Variants in PDK1 observed in about 807,000 individuals in gnomAD.
PDK1 encodes pyruvate dehydrogenase kinase 1.
Under a neutral mutation model 54.2 loss-of-function variants are expected in PDK1, and 39 were observed. The ratio of observed to expected loss-of-function variants is 0.72; its 90% CI spans 0.56 to 0.94. The LOEUF is 0.94. Ranked by LOEUF, PDK1 falls within the 40% of genes least tolerant of loss-of-function variation. The probability of loss-of-function intolerance (pLI) is 0.00; values close to 1 mark genes in which losing one functional copy is unlikely to be tolerated. For synonymous variants in PDK1, 221 were observed against 207.1 expected, an observed-to-expected ratio of 1.07 and a Z score of -0.58; for missense variants, 552 against 566.0, an observed-to-expected ratio of 0.98 and a Z score of 0.25.
chr2:172,672,307 T>A, the PDK1 span, among the ~76,000 whole-genome samples: 59 of 152,204 alleles, frequency 3.9e-4, no homozygotes, highest in Non-Finnish European at 1.8e-4. Flanking sequence ...ATGTGTTCAG[T>A]GATTGTATTT....
chr2:172,720,116 CTTTTT>C, the PDK1 span, among the ~76,000 whole-genome samples: 30 of 116,728 alleles, frequency 2.6e-4, no homozygotes, highest in African/African-American at 8.4e-4. Context: ...CTCTCTCTCT[CTTTTT>C]TTTTTTTTTT....
the PDK1 span, among the ~76,000 whole-genome samples, chr2:172,630,098 C>T: frequency 1.3e-5 from 2 of 152,224 alleles, no homozygotes; most frequent in African/African-American, 4.8e-5. Context: ...GAGGGTTGCT[C>T]TTCCCCACAT....
chr2:172,601,885 AATC>A lies in PDK1; in HGVS notation c.*5919_*5921del, dbSNP rs1212381733. On this transcript the variant is annotated 3_prime_UTR_variant, in exon 11 of 11. Transcript: ENST00000282077. ...ATAACTACCAATAGAGATTTAAAAT[AATC>A]ATAAGAATACCATTAACTTTATGAT... The A allele has an allele frequency of 2.0e-5, 3 of 152,206 alleles. No homozygotes were observed. The highest frequency in any genetic ancestry group is 2.0e-4 in the Admixed American group (3 of 15,278). 9.4% of individuals were successfully genotyped at this position (152,206 alleles called of 1,614,324 possible). A position where few individuals can be genotyped will look rare whatever the true frequency, so the allele number is the denominator to read the frequency against.
the PDK1 span, among the ~76,000 whole-genome samples, chr2:172,642,125 G>A: frequency 1.4e-3 from 210 of 152,246 alleles, 1 homozygote; most frequent in African/African-American, 4.7e-3. Flanking sequence ...ATACCCCATC[G>A]GCACTGCTGT....
At chr2:172,556,428 C>T (rs1688327379) in intron 1 of PDK1, 82 bp downstream of exon 1, 1 of 1,072,104 alleles carries the variant, frequency 9.3e-7, no homozygotes, top group Admixed American at 3.8e-5. Context: ...CGGGTCGGCG[C>T]CGGCCAGCTC....
chr2:172,709,285 C>G, the PDK1 span, among the ~76,000 whole-genome samples: 505 of 152,260 alleles, frequency 3.3e-3, 3 homozygotes, highest in African/African-American at 0.011. Flanking sequence ...CTCTCAGTTC[C>G]TCAGCCCCTC....
intron 9 of PDK1, among the ~76,000 whole-genome samples, chr2:172,591,192 A>G (rs1690555662): frequency 6.6e-6 from 1 of 152,232 alleles, no homozygotes; most frequent in Non-Finnish European, 1.5e-5. Context: ...GGAGGTTAAA[A>G]ATACAGGGTC....
chr2:172,635,196 T>C, the PDK1 span, among the ~76,000 whole-genome samples: 23 of 152,286 alleles, frequency 1.5e-4, no homozygotes, highest in Admixed American at 1.0e-3. Context: ...TGCATATTTA[T>C]TTCACAGTAA....
At chr2:172,611,052 T>C (rs534957063), downstream of PDK1, among the ~76,000 whole-genome samples, 11 of 152,356 alleles carry the variant, frequency 7.2e-5, no homozygotes, top group Admixed American at 6.5e-4. Context: ...TTAAGTGAAA[T>C]ATTTGTGTGG....
chr2:172,639,066 A>C, the PDK1 span, among the ~76,000 whole-genome samples: 1 of 152,238 alleles, frequency 6.6e-6, no homozygotes, highest in African/African-American at 2.4e-5. Context: ...AGGTCTCACT[A>C]TGCCGTGCAG....
At chr2:172,615,632 AAAC>A in the PDK1 span, among the ~76,000 whole-genome samples, 1 of 152,178 alleles carries the variant, frequency 6.6e-6, no homozygotes, top group Non-Finnish European at 1.5e-5. Context: ...TCAAAAAAAA[AAAC>A]ATTAATTAAT....
At chr2:172,696,210 G>A in the PDK1 span, among the ~76,000 whole-genome samples, 1 of 149,634 alleles carries the variant, frequency 6.7e-6, no homozygotes, top group Non-Finnish European at 1.5e-5. Context: ...GCTTAGGAGA[G>A]CATTCTTCCC....
At chr2:172,703,195 C>T in the PDK1 span, among the ~76,000 whole-genome samples, 1 of 152,056 alleles carries the variant, frequency 6.6e-6, no homozygotes, top group Non-Finnish European at 1.5e-5. Flanking sequence ...GCAAGGGAAG[C>T]CGGCAACCAC....
chr2:172,713,701 G>A, the PDK1 span, among the ~76,000 whole-genome samples: 1 of 152,236 alleles, frequency 6.6e-6, no homozygotes, highest in African/African-American at 2.4e-5. Flanking sequence ...GCGGACAGGG[G>A]GACTTCCTGG....
the PDK1 span, among the ~76,000 whole-genome samples, chr2:172,682,384 C>T: frequency 2.0e-5 from 3 of 152,212 alleles, no homozygotes; most frequent in Non-Finnish European, 2.9e-5. Flanking sequence ...TGTGGGCAGA[C>T]GAGTGACCTG....
At chr2:172,698,462 C>A in the PDK1 span, among the ~76,000 whole-genome samples, 1 of 152,222 alleles carries the variant, frequency 6.6e-6, no homozygotes, top group African/African-American at 2.4e-5. Flanking sequence ...AGCCTCCTAC[C>A]CCTCAGGAAG....
At position 172,599,261 on chromosome 2, in the gene PDK1, A is replaced by T. The variant is rs1281533262; in HGVS notation, c.*3292A>T. On this transcript the variant is annotated 3_prime_UTR_variant, in exon 11 of 11. Coordinates refer to ENST00000282077, the MANE Select transcript of PDK1 (RefSeq NM_002610.5). ...AAAAATAAATTCCTATCCTATTTTT[A>T]ATTGATGGGATATAGGCAGCACAAT... The T allele has an allele frequency of 6.6e-6, 1 of 151,992 alleles. No individual in the cohort carries two copies. The highest frequency in any genetic ancestry group is 1.5e-5 in the Non-Finnish European group (1 of 68,000). 9.4% of individuals were successfully genotyped at this position (151,992 alleles called of 1,614,324 possible).
chr2:172,693,173 A>G, the PDK1 span, among the ~76,000 whole-genome samples: 1 of 152,232 alleles, frequency 6.6e-6, no homozygotes, highest in African/African-American at 2.4e-5. Flanking sequence ...CCCATCTGAC[A>G]CATCACTGTG....
chr2:172,720,433 C>G, the PDK1 span, among the ~76,000 whole-genome samples: 1 of 152,148 alleles, frequency 6.6e-6, no homozygotes, highest in South Asian at 2.1e-4. Context: ...CTCAATGTTG[C>G]TGCTCTACCC....
Sources: gnomAD v4.1 joint callset for allele counts (sites outside exome capture counted in the v4.1 genomes callset) on GRCh38, gnomAD v4.1.1 for gene constraint, MANE v1.5 for transcripts, NCBI Gene and HGNC (gene_info 2026-07-23, HGNC 2026-07-21) for gene names.